Variants in PTPRM observed in about 807,000 individuals in gnomAD.
PTPRM encodes the protein receptor-type tyrosine-protein phosphatase mu.
A neutral mutation model predicts 186.7 loss-of-function variants in PTPRM; 47 were observed. The observed-to-expected ratio is 0.25, with a 90% CI of 0.20 to 0.32. The LOEUF (loss-of-function observed/expected upper bound fraction) is 0.32, where lower values mean the gene tolerates loss of function less well. Ranked by LOEUF, PTPRM falls within the 10% of genes least tolerant of loss-of-function variation. The probability of loss-of-function intolerance (pLI) is 1.00; values close to 1 mark genes in which losing one functional copy is unlikely to be tolerated. For missense variants in PTPRM, 1,494 were observed against 1,865.0 expected (o/e 0.80, Z 3.66); for synonymous variants, 668 against 674.9 (o/e 0.99, Z 0.16).
At chr18:7,572,748 C>G (rs536679740) in intron 1 of PTPRM, among the ~76,000 whole-genome samples, 1 of 152,148 alleles carries the variant, frequency 6.6e-6, no homozygotes, top group East Asian at 1.9e-4. Flanking sequence ...TATAGTTTCA[C>G]TTTTTAGTGT....
intron 1 of PTPRM, among the ~76,000 whole-genome samples, chr18:7,723,501 T>G (rs2040488468): frequency 6.6e-6 from 1 of 152,140 alleles, no homozygotes; most frequent in African/African-American, 2.4e-5. Flanking sequence ...GGAGAGAGAT[T>G]TGGCAGTGTC....
At chr18:7,906,428 G>T (rs921141743) in intron 3 of PTPRM, 77 bp from the exon 4 acceptor site, 28 of 1,070,828 alleles carry the variant, frequency 2.6e-5, no homozygotes, top group Admixed American at 9.4e-5. Flanking sequence ...ACGAAATTAT[G>T]TGTCTTATAT....
intron 19 of PTPRM, among the ~76,000 whole-genome samples, chr18:8,286,703 T>A (rs2094960729): frequency 6.6e-6 from 1 of 152,236 alleles, no homozygotes; most frequent in Admixed American, 6.5e-5. Context: ...GAGTAGGCAT[T>A]GAACTTTCTG....
chr18:7,761,619 A>G (rs971312041), intron 1 of PTPRM, among the ~76,000 whole-genome samples: 3 of 152,108 alleles, frequency 2.0e-5, no homozygotes, highest in African/African-American at 4.8e-5. Context: ...GACCTTCAGG[A>G]TGAGTTTTTG....
intron 14 of PTPRM, among the ~76,000 whole-genome samples, chr18:8,239,938 C>T (rs72911274): frequency 0.23 from 34,766 of 152,074 alleles, 4,488 homozygotes; most frequent in African/African-American, 0.34. Flanking sequence ...AAAATATTTT[C>T]GGCAAACCAT....
intron 22 of PTPRM, among the ~76,000 whole-genome samples, chr18:8,321,483 G>A (rs1402189706): frequency 3.3e-5 from 5 of 152,190 alleles, no homozygotes; most frequent in Non-Finnish European, 2.9e-5. Context: ...GTCACTTTCT[G>A]CAGAATTCAT....
chr18:8,004,307 G>A (rs1413605835), intron 7 of PTPRM, among the ~76,000 whole-genome samples: 1 of 152,112 alleles, frequency 6.6e-6, no homozygotes, highest in Admixed American at 6.6e-5. Flanking sequence ...CGTGGATCTA[G>A]CCTATGTTTT....
chr18:8,153,743 G>A (rs1418989400), intron 14 of PTPRM, among the ~76,000 whole-genome samples: 2 of 152,156 alleles, frequency 1.3e-5, no homozygotes, highest in Non-Finnish European at 2.9e-5. Context: ...AAAAGTTAAA[G>A]CATAACATTA....
intron 7 of PTPRM, among the ~76,000 whole-genome samples, chr18:8,058,002 A>G (rs1304197517): frequency 9.9e-5 from 4 of 40,420 alleles, no homozygotes; most frequent in East Asian, 8.7e-4. Flanking sequence ...TGGTATTTCT[A>G]GTTCTAGATC....
intron 4 of PTPRM, among the ~76,000 whole-genome samples, chr18:7,916,618 A>G (rs11873831): frequency 6.6e-6 from 1 of 151,068 alleles, no homozygotes; most frequent in Non-Finnish European, 1.5e-5. Context: ...TTTCTTTTTT[A>G]AAAAAAATGT....
In PTPRM at chr18:7,729,258, T is replaced by A. The variant is rs137932452; in HGVS notation, c.74-44891T>A. ...CCTGAATGGAATGGCTTGGCCTTTGTTGTACATCAAGGTAATAAATAAATG... is the reference window on the plus strand; with the variant it reads ...CCTGAATGGAATGGCTTGGCCTTTGATGTACATCAAGGTAATAAATAAATG... On this transcript the variant is annotated intron_variant, in intron 1 of 32. Coordinates refer to ENST00000580170, the MANE Select transcript of PTPRM (RefSeq NM_001105244.2). Among the ~76,000 whole-genome samples, 69 of 152,334 alleles carry A rather than the reference T, an allele frequency of 4.5e-4. 1 individual carries two copies. Among genetic ancestry groups the A allele is most frequent in the African/African-American group, 1.6e-3 (66 of 41,580 alleles).
chr18:8,164,070 A>T (rs1303293528), intron 14 of PTPRM, among the ~76,000 whole-genome samples: 1 of 152,228 alleles, frequency 6.6e-6, no homozygotes, highest in Non-Finnish European at 1.5e-5. Flanking sequence ...AAAGATCCAT[A>T]AGTTAAGAGA....
intron 24 of PTPRM, among the ~76,000 whole-genome samples, chr18:8,372,769 G>A (rs542803650): frequency 1.3e-5 from 2 of 150,182 alleles, no homozygotes; most frequent in South Asian, 2.1e-4. Flanking sequence ...GTTGGCAAGA[G>A]CACTCATGAA....
At chr18:8,359,938 G>A (rs2095586750) in intron 23 of PTPRM, among the ~76,000 whole-genome samples, 1 of 152,208 alleles carries the variant, frequency 6.6e-6, no homozygotes, top group Admixed American at 6.5e-5. Flanking sequence ...CTTTCTTGAA[G>A]GCAGGATTCT....
At chr18:8,328,646 A>AATG (rs1244864030) in intron 22 of PTPRM, among the ~76,000 whole-genome samples, 1 of 152,226 alleles carries the variant, frequency 6.6e-6, no homozygotes, top group Non-Finnish European at 1.5e-5. Flanking sequence ...GCTTTGAGAA[A>AATG]ATGTGATTTA....
rs548681048 is a variant in PTPRM, at chr18:8,286,839, G to C, written c.2755-9529G>C. Among the ~76,000 whole-genome samples the C allele has an allele frequency of 2.6e-4, 39 of 152,184 alleles. 1 individual carries two copies. The highest frequency in any genetic ancestry group is 8.7e-4 in the African/African-American group (36 of 41,526). On this transcript the variant is annotated intron_variant, in intron 19 of 32. Transcript: ENST00000580170. The stretch of plus-strand genomic sequence containing the variant: ...TTGATCTTTAGTTACCATGACTTAA[G>C]TATTGCAGGAAGAGCCTGGGAATTG...
intron 14 of PTPRM, among the ~76,000 whole-genome samples, chr18:8,228,901 C>T (rs898160409): frequency 2.6e-5 from 4 of 151,670 alleles, no homozygotes; most frequent in Non-Finnish European, 4.4e-5. Context: ...AATATATATA[C>T]CTATGAAGTG....
In PTPRM at chr18:7,858,055, T is replaced by C. The variant is rs188810258; in HGVS notation, c.197-30051T>C. 3.3e-5 allele frequency among the ~76,000 whole-genome samples: 5 copies of C among 152,324 alleles called. No individual in the cohort carries two copies. The East Asian group carries it at 9.7e-4, about 29-fold the overall frequency. ...GCTTGGCCCTAAGTATTTCCAGCAA[T>C]TAAATCAAAGCCCATTAAGCTTAGG... On this transcript the variant is annotated intron_variant, in intron 2 of 32. Transcript: ENST00000580170.
chr18:7,740,512 G>A (rs992754992), intron 1 of PTPRM, among the ~76,000 whole-genome samples: 7 of 152,152 alleles, frequency 4.6e-5, no homozygotes, highest in African/African-American at 1.7e-4. Context: ...TGAAACTCCT[G>A]GGCTGAAATG....
Sources: allele counts gnomAD v4.1 joint callset (sites outside exome capture counted in the v4.1 genomes callset), GRCh38; gene constraint gnomAD v4.1.1; transcripts MANE v1.5; gene names NCBI Gene and HGNC (gene_info 2026-07-23, HGNC 2026-07-21).